NFIA: variants seen among roughly 807,000 people sequenced by gnomAD.
NFIA encodes the protein nuclear factor I A.
NFIA carries 8 observed loss-of-function variants against 62.8 expected under a neutral mutation model. The ratio of observed to expected loss-of-function variants is 0.13; its 90% CI spans 0.07 to 0.23. The LOEUF (loss-of-function observed/expected upper bound fraction) is 0.23, where lower values mean the gene tolerates loss of function less well. NFIA is among the 10% of genes least tolerant of loss of function. The pLI is 1.00. For missense variants in NFIA, 410 were observed against 642.1 expected (o/e 0.64, Z 3.91); for synonymous variants, 235 against 238.1 (o/e 0.99, Z 0.12).
chr1:61,420,479 T>G (rs1288868738), intron 9 of NFIA, among the ~76,000 whole-genome samples: 1 of 152,144 alleles, frequency 6.6e-6, no homozygotes, highest in Non-Finnish European at 1.5e-5. Context: ...ACTGAATGCT[T>G]CTTAGGCACG....
intron 5 of NFIA, among the ~76,000 whole-genome samples, chr1:61,353,804 T>C (rs927134300): frequency 1.3e-5 from 2 of 152,200 alleles, no homozygotes; most frequent in African/African-American, 4.8e-5. Context: ...TCCCTTTAGT[T>C]CCCTGTAGTA....
intron 2 of NFIA, among the ~76,000 whole-genome samples, chr1:61,101,905 A>G (rs1384247878): frequency 1.3e-5 from 2 of 152,180 alleles, no homozygotes; most frequent in Non-Finnish European, 2.9e-5. Flanking sequence ...TGAGAGAACT[A>G]TTGCTTGGCT....
intron 2 of NFIA, among the ~76,000 whole-genome samples, chr1:61,261,310 G>C (rs1337764658): frequency 6.6e-6 from 1 of 152,104 alleles, no homozygotes; most frequent in African/African-American, 2.4e-5. Context: ...TTCAACTTAA[G>C]AATCCACATT....
At chr1:61,241,618 T>C (rs746814160) in intron 2 of NFIA, among the ~76,000 whole-genome samples, 9 of 151,996 alleles carry the variant, frequency 5.9e-5, no homozygotes, top group Non-Finnish European at 1.0e-4. Flanking sequence ...GACCAACTTC[T>C]CAGAATCTGT....
At chr1:61,144,769 A>G (rs1647803992) in intron 2 of NFIA, among the ~76,000 whole-genome samples, 1 of 152,208 alleles carries the variant, frequency 6.6e-6, no homozygotes, top group Non-Finnish European at 1.5e-5. Flanking sequence ...GGCACAGGGT[A>G]CATGCTCAGA....
chr1:61,233,660 G>A (rs1436327563), intron 2 of NFIA, among the ~76,000 whole-genome samples: 1 of 152,174 alleles, frequency 6.6e-6, no homozygotes, highest in African/African-American at 2.4e-5. Flanking sequence ...CTCTGAGCCC[G>A]AGTTCCTTTA....
At chr1:61,151,093 A>T (rs999102038) in intron 2 of NFIA, among the ~76,000 whole-genome samples, 22 of 152,200 alleles carry the variant, frequency 1.4e-4, no homozygotes, top group Admixed American at 1.4e-3. Context: ...TCTTTCCTTT[A>T]TCATGGCCAT....
chr1:61,394,704 T>A (rs1407336347), intron 7 of NFIA, among the ~76,000 whole-genome samples: 2 of 152,166 alleles, frequency 1.3e-5, no homozygotes, highest in Non-Finnish European at 2.9e-5. Flanking sequence ...CTAGACTGAT[T>A]ATTCTGTTGC....
Position 61,283,811 on chromosome 1 carries a change from A to G in NFIA, c.625+6226A>G, listed in dbSNP as rs184140751. 3.3e-3 allele frequency among the ~76,000 whole-genome samples: 499 copies of G among 152,142 alleles called. 2 individuals are homozygous for G. The highest frequency in any genetic ancestry group is 5.8e-3 in the Admixed American group (88 of 15,274). On this transcript the variant is annotated intron_variant, in intron 3 of 10. Transcript: ENST00000403491. ...ATTACAATATTATATTGCAATATTT[A>G]TATATAGTGGGAAGGCAAAATAAAA...
chr1:61,108,241 T>A (rs555770721), intron 2 of NFIA, among the ~76,000 whole-genome samples: 5 of 151,728 alleles, frequency 3.3e-5, no homozygotes, highest in African/African-American at 1.2e-4. Flanking sequence ...CATCTTTTTT[T>A]AACTATCAAA....
intron 6 of NFIA, among the ~76,000 whole-genome samples, chr1:61,366,269 T>C (rs1013893988): frequency 6.6e-6 from 1 of 152,076 alleles, no homozygotes; most frequent in African/African-American, 2.4e-5. Flanking sequence ...TACAGACATA[T>C]CAGTAAGTTT....
chr1:61,336,420 G>A (rs572531626), intron 4 of NFIA, among the ~76,000 whole-genome samples: 1 of 152,232 alleles, frequency 6.6e-6, no homozygotes, highest in South Asian at 2.1e-4. Flanking sequence ...AGAAAGTACA[G>A]AAGTCCCGTA....
chr1:61,328,180 T>G (rs1005736204), intron 3 of NFIA, among the ~76,000 whole-genome samples: 1 of 152,038 alleles, frequency 6.6e-6, no homozygotes, highest in African/African-American at 2.4e-5. Context: ...TGCATATTTC[T>G]TGTAAACTTT....
chr1:61,333,070 C>CACACACACACACACAT (rs1557712745), intron 4 of NFIA, among the ~76,000 whole-genome samples: 130 of 133,180 alleles, frequency 9.8e-4, no homozygotes, highest in African/African-American at 4.4e-3. Context: ...CACACACATA[C>CACACACACACACACAT]ACACACACAC....
chr1:61,114,714 C>A (rs1646767554), intron 2 of NFIA, among the ~76,000 whole-genome samples: 4 of 152,058 alleles, frequency 2.6e-5, no homozygotes, highest in African/African-American at 9.7e-5. Context: ...AATGGTTTAT[C>A]ATTGATAAGT....
chr1:61,352,581 C>T lies in NFIA; in HGVS notation c.818+14C>T. On this transcript the variant is annotated intron_variant, in intron 5 of 10. Transcript: ENST00000403491. ...ATCCTCTACGAGGTAATTTTATTGG[C>T]AGCTCTTGAAGAAATTATGCTACAT... 6.3e-7 allele frequency: 1 copy of T among 1,582,200 alleles called. No homozygotes were observed. Among genetic ancestry groups the T allele is most frequent in the East Asian group, 2.2e-5 (1 of 44,678 alleles).
rs1668512847 is a variant in NFIA, at chr1:61,461,125, T to C, written c.*5805T>C. 1 of 152,186 alleles carries C rather than the reference T, an allele frequency of 6.6e-6. No homozygotes were observed. 9.4% of individuals were successfully genotyped at this position (152,186 alleles called of 1,614,324 possible). On this transcript the variant is annotated 3_prime_UTR_variant, in exon 11 of 11. Transcript: ENST00000403491. The stretch of plus-strand genomic sequence containing the variant: ...ACTATTTGAATTTCAAGAACTGTGC[T>C]GCGAAGACACTCTGAGAACATTTGC...
At chr1:61,358,123 GCA>G (rs1299255578) in intron 5 of NFIA, among the ~76,000 whole-genome samples, 1 of 152,028 alleles carries the variant, frequency 6.6e-6, no homozygotes, top group Non-Finnish European at 1.5e-5. Flanking sequence ...GATAATCTTT[GCA>G]TAGAGAAAGC....
intron 10 of NFIA, among the ~76,000 whole-genome samples, chr1:61,454,381 T>C (rs1668207505): frequency 6.6e-6 from 1 of 152,194 alleles, no homozygotes; most frequent in African/African-American, 2.4e-5. Flanking sequence ...GATAAAGTGA[T>C]ATATGACCAG....
Sources: allele counts gnomAD v4.1 joint callset (sites outside exome capture counted in the v4.1 genomes callset), GRCh38; gene constraint gnomAD v4.1.1; transcripts MANE v1.5; gene names NCBI Gene and HGNC (gene_info 2026-07-23, HGNC 2026-07-21).